The following CLCN5 variants were observed in gnomAD, a reference collection of about 807,000 sequenced individuals.
CLCN5 encodes H(+)/Cl(-) exchange transporter 5.
CLCN5 carries 17 observed loss-of-function variants against 54.0 expected under a neutral mutation model. The observed-to-expected ratio is 0.31, with a 90% CI of 0.22 to 0.47. CLCN5 has a LOEUF of 0.47. CLCN5 is among the 20% of genes least tolerant of loss of function. The probability of loss-of-function intolerance (pLI) is 1.00; values close to 1 mark genes in which losing one functional copy is unlikely to be tolerated. For missense variants in CLCN5, 448 were observed against 646.7 expected (o/e 0.69, Z 3.33); for synonymous variants, 222 against 233.0 (o/e 0.95, Z 0.43).
intron 3 of CLCN5, among the ~76,000 whole-genome samples, chrX:49,963,680 G>A (rs962747050): frequency 2.7e-5 from 3 of 111,933 alleles, no homozygotes; most frequent in African/African-American, 6.5e-5. Context: ...AGTGAATTCC[G>A]TGTCAGAGTT....
In CLCN5 at chrX:50,093,764, A is replaced by G. The variant is rs1189255781; in HGVS notation, c.*1545A>G. 1 of 111,841 alleles carries G rather than the reference A, an allele frequency of 8.9e-6. No homozygotes were observed. The highest frequency in any genetic ancestry group is 1.9e-5 in the Non-Finnish European group (1 of 53,220). 9.2% of individuals were successfully genotyped at this position (111,841 alleles called of 1,213,427 possible). On this transcript the variant is annotated 3_prime_UTR_variant, in exon 15 of 15. Transcript: ENST00000376091. The stretch of plus-strand genomic sequence containing the variant: ...TGGTTAATCATTCCTACTACAAAAA[A>G]AAATAACTCCCAGGGCTAGTTAAAT...
chrX:50,067,782 C>G, intron 4 of CLCN5: 1 of 717,375 alleles, frequency 1.4e-6, no homozygotes, highest in Non-Finnish European at 1.7e-6. Flanking sequence ...TGAGCCTGAC[C>G]AAGGACTGAA....
At chrX:50,089,149 A>G (rs1037447665) in intron 12 of CLCN5, among the ~76,000 whole-genome samples, 1 of 112,603 alleles carries the variant, frequency 8.9e-6, no homozygotes, top group Non-Finnish European at 1.9e-5. Flanking sequence ...TATCTGCACA[A>G]GAATATGTAT....
chrX:50,064,256 A>G lies in CLCN5; in HGVS notation c.164-5623A>G, dbSNP rs190765535. On this transcript the variant is annotated intron_variant, in intron 4 of 14. Coordinates refer to ENST00000376091, the MANE Select transcript of CLCN5 (RefSeq NM_001127898.4). ...CAGATGACATGATTGTATATCTATA[A>G]AACCCCGTCGTCTCAGCCCAAAATC... is the stretch of plus-strand genomic sequence containing the variant. 4.8e-3 allele frequency among the ~76,000 whole-genome samples: 529 copies of G among 110,563 alleles called. 6 individuals are homozygous for G. Among genetic ancestry groups the G allele is most frequent in the African/African-American group, 0.016 (488 of 30,157 alleles).
At chrX:49,938,244 C>T (rs1359266343) in intron 3 of CLCN5, among the ~76,000 whole-genome samples, 2 of 111,768 alleles carry the variant, frequency 1.8e-5, no homozygotes, top group Non-Finnish European at 3.8e-5. Flanking sequence ...ATGCCATCCC[C>T]ATCAAGCTAC....
chrX:50,092,145 A>G lies in CLCN5; in HGVS notation c.2377A>G (p.Ile793Val), dbSNP rs1557194891. ...GTCTTTTAGGCGATTGCTTGGAATC[A>G]TTACCAAAAAGGATGTGTTAAAGCA... is the stretch of plus-strand genomic sequence containing the variant. ...VTHNGRLLGI[I>V]TKKDVLKHIA... Residue 793 changes from isoleucine to valine, a missense_variant, in exon 15 of 15, where the codon ATT becomes GTT. Ile to Val is a conservative substitution (Grantham distance 29). Transcript: ENST00000376091. The G allele has an allele frequency of 2.5e-6, 3 of 1,201,779 alleles. No individual in the cohort carries two copies. The highest frequency in any genetic ancestry group is 2.2e-5 in the Admixed American group (1 of 45,744).
chrX:49,969,350 T>A (rs1355633607), intron 3 of CLCN5, among the ~76,000 whole-genome samples: 1 of 112,644 alleles, frequency 8.9e-6, no homozygotes, highest in Non-Finnish European at 1.9e-5. Context: ...AGTGCTAGGA[T>A]TACAGGCATG....
intron 3 of CLCN5, among the ~76,000 whole-genome samples, chrX:49,963,389 A>G (rs926947653): frequency 2.6e-4 from 29 of 111,549 alleles, no homozygotes; most frequent in Non-Finnish European, 5.1e-4. Context: ...GGTGGTAACC[A>G]TATATAACTT....
At chrX:50,033,815 TA>T (rs1465392195) in intron 3 of CLCN5, among the ~76,000 whole-genome samples, 1 of 111,928 alleles carries the variant, frequency 8.9e-6, no homozygotes, top group Non-Finnish European at 1.9e-5. Flanking sequence ...TCGATATAAA[TA>T]AAAGCTCTTT....
chrX:50,086,827 T>A lies in CLCN5; in HGVS notation c.1514T>A (p.Leu505His). 8.3e-7 allele frequency: 1 copy of A among 1,211,253 alleles called. No individual in the cohort carries two copies. Reference protein sequence around the residue: ...YSAMWQLALTLILKIVITIFT... With the variant: ...YSAMWQLALTHILKIVITIFT... The stretch of plus-strand genomic sequence containing the variant: ...GCAATGTGGCAGCTGGCTTTAACAC[T>A]CATACTGAAAATTGTCATTACTATA... The change falls in exon 11 of 15, where the codon CTC becomes CAC. Residue 505 changes from leucine to histidine, a missense_variant. By Grantham distance (99) the Leu-to-His change is moderately conservative (BLOSUM62 -3). Around this residue, in one of 5 missense-constraint regions of CLCN5, gnomAD observed 297 missense variants for 470.4 expected, o/e 0.63. Coordinates refer to ENST00000376091, the MANE Select transcript of CLCN5 (RefSeq NM_001127898.4).
intron 3 of CLCN5, among the ~76,000 whole-genome samples, chrX:50,004,589 A>G (rs1024759393): frequency 6.3e-5 from 7 of 111,625 alleles, no homozygotes; most frequent in African/African-American, 2.3e-4. Context: ...CTTTTAAAAA[A>G]AAAATCATAC....
chrX:50,010,969 G>A (rs1266157740), intron 3 of CLCN5, among the ~76,000 whole-genome samples: 1 of 105,009 alleles, frequency 9.5e-6, no homozygotes, highest in African/African-American at 3.5e-5. Context: ...CTGAGGGTGG[G>A]TGGGGTACAG....
chrX:49,933,317 G>A (rs184680864), intron 3 of CLCN5, among the ~76,000 whole-genome samples: 67 of 112,194 alleles, frequency 6.0e-4, no homozygotes, highest in African/African-American at 2.1e-3. Context: ...TAACTCTTCA[G>A]TGGGGAGAAA....
intron 8 of CLCN5, among the ~76,000 whole-genome samples, chrX:50,081,391 C>T (rs1488524812): frequency 9.0e-6 from 1 of 111,093 alleles, no homozygotes; most frequent in African/African-American, 3.3e-5. Context: ...TGCACACTCT[C>T]ATACTTACAA....
intron 3 of CLCN5, among the ~76,000 whole-genome samples, chrX:49,994,726 G>A (rs1328161628): frequency 2.7e-5 from 3 of 111,608 alleles, no homozygotes; most frequent in African/African-American, 6.5e-5. Context: ...CTCTTCTGCT[G>A]CATAAACCCT....
intron 3 of CLCN5, among the ~76,000 whole-genome samples, chrX:49,949,225 G>A (rs1557172630): frequency 8.9e-6 from 1 of 112,255 alleles, no homozygotes; most frequent in Non-Finnish European, 1.9e-5. Flanking sequence ...GTGGGGAGGT[G>A]TTACTGGCAT....
At chrX:50,054,730 A>G (rs1353712544) in intron 4 of CLCN5, 2 of 112,120 alleles carry the variant, frequency 1.8e-5, no homozygotes, top group Non-Finnish European at 3.8e-5. Context: ...AATGAGTCCA[A>G]GAAAGATCAT....
intron 3 of CLCN5, among the ~76,000 whole-genome samples, chrX:50,036,956 G>A (rs73490100): frequency 0.15 from 17,012 of 111,727 alleles, 3,157 homozygotes; most frequent in African/African-American, 0.53. Flanking sequence ...TTGAGTGCCT[G>A]CTTGCGAGGT....
chrX:50,047,600 AT>A (rs1417285147), intron 4 of CLCN5, among the ~76,000 whole-genome samples: 1 of 111,195 alleles, frequency 9.0e-6, no homozygotes, highest in African/African-American at 3.3e-5. Flanking sequence ...ATTTCTTCAG[AT>A]TTACTTAGTT....
Sources: allele counts gnomAD v4.1 joint callset (sites outside exome capture counted in the v4.1 genomes callset), GRCh38; gene constraint gnomAD v4.1.1; regional missense constraint gnomAD v4.1.1; transcripts MANE v1.5; gene names NCBI Gene and HGNC (gene_info 2026-07-23, HGNC 2026-07-21).